Variants in WDR27 observed in about 807,000 individuals in gnomAD.
The protein encoded by WDR27 is WD repeat domain 27.
WDR27 carries 100 observed loss-of-function variants against 114.4 expected under a neutral mutation model. The observed-to-expected ratio is 0.87, with a 90% confidence interval of 0.74 to 1.03. WDR27 has a LOEUF of 1.03. Ranked by LOEUF, WDR27 falls within the 50% of genes least tolerant of loss-of-function variation. The probability of loss-of-function intolerance (pLI) is 0.00; values close to 1 mark genes in which losing one functional copy is unlikely to be tolerated. For missense variants in WDR27, 1,129 were observed against 1,092.9 expected (o/e 1.03, Z -0.47); for synonymous variants, 449 against 423.1 (o/e 1.06, Z -0.75).
chr6:169,662,191 G>A, intron 9 of WDR27, 113 bp downstream of exon 9: 1 of 1,214,362 alleles, frequency 8.2e-7, no homozygotes, highest in Non-Finnish European at 1.2e-6. Context: ...AATAATCAGA[G>A]ACCAAAATAA....
chr6:169,586,498 G>A (rs933516384), intron 23 of WDR27, among the ~76,000 whole-genome samples: 6 of 151,970 alleles, frequency 3.9e-5, no homozygotes, highest in African/African-American at 7.2e-5. Context: ...CCACTTTGAC[G>A]CCTTTGGTGT....
intron 25 of WDR27, among the ~76,000 whole-genome samples, chr6:169,481,542 G>A (rs1422940808): frequency 1.3e-5 from 2 of 152,196 alleles, no homozygotes; most frequent in Non-Finnish European, 2.9e-5. Context: ...GCCTTTATGA[G>A]CTGTAGCACT....
At chr6:169,481,458 T>G (rs1443106580) in intron 25 of WDR27, among the ~76,000 whole-genome samples, 2 of 152,234 alleles carry the variant, frequency 1.3e-5, no homozygotes, top group African/African-American at 4.8e-5. Context: ...CGGGTTCCCT[T>G]CCACGCTGTG....
downstream of WDR27, among the ~76,000 whole-genome samples, chr6:169,453,059 T>C (rs1045602209): frequency 2.0e-5 from 3 of 152,244 alleles, no homozygotes; most frequent in Non-Finnish European, 4.4e-5. Flanking sequence ...CCCCCAGGCC[T>C]AGGGCTGATC....
chr6:169,557,345 G>A (rs1407628832), intron 25 of WDR27, among the ~76,000 whole-genome samples: 1 of 152,222 alleles, frequency 6.6e-6, no homozygotes, highest in Non-Finnish European at 1.5e-5. Context: ...GTCTGTGATG[G>A]ACACAAGAGC....
At chr6:169,445,355 G>A in the WDR27 span, among the ~76,000 whole-genome samples, 2 of 152,072 alleles carry the variant, frequency 1.3e-5, no homozygotes, top group African/African-American at 4.8e-5. Context: ...GGTCTCCACC[G>A]CAGGTCATGA....
intron 25 of WDR27, among the ~76,000 whole-genome samples, chr6:169,463,008 A>G (rs892587986): frequency 6.6e-6 from 1 of 152,232 alleles, no homozygotes; most frequent in Non-Finnish European, 1.5e-5. Context: ...TTGTGCTGCT[A>G]TAAAAGACTA....
intron 7 of WDR27, 65 bp downstream of exon 7, chr6:169,665,421 C>G: frequency 6.4e-7 from 1 of 1,563,230 alleles, no homozygotes; most frequent in Non-Finnish European, 8.7e-7. Flanking sequence ...AGACAAAGAC[C>G]TTTGTGTACA....
chr6:169,502,572 C>T (rs1791450975), intron 25 of WDR27, among the ~76,000 whole-genome samples: 1 of 152,172 alleles, frequency 6.6e-6, no homozygotes, highest in Non-Finnish European at 1.5e-5. Context: ...AATCCATTTC[C>T]GTGTCTTTCC....
At chr6:169,682,735 G>A (rs1315026492) in intron 2 of WDR27, among the ~76,000 whole-genome samples, 1 of 152,164 alleles carries the variant, frequency 6.6e-6, no homozygotes, top group Non-Finnish European at 1.5e-5. Flanking sequence ...AAAATAAGTT[G>A]CGACAGACTG....
chr6:169,657,487 G>A (rs1490283611), intron 13 of WDR27, among the ~76,000 whole-genome samples: 1 of 152,214 alleles, frequency 6.6e-6, no homozygotes, highest in South Asian at 2.1e-4. Context: ...CTTCTGGGAG[G>A]TGAGGCCCAG....
In WDR27 at chr6:169,660,828, C is replaced by T. The variant is rs551863306; in HGVS notation, c.1026-62G>A. The T allele has an allele frequency of 2.6e-5, 38 of 1,462,544 alleles. 1 individual carries two copies. Among genetic ancestry groups the T allele is most frequent in the African/African-American group, 2.0e-4 (14 of 70,878 alleles). 90.6% of individuals were successfully genotyped at this position (1,462,544 alleles called of 1,614,324 possible). A position where few individuals can be genotyped will look rare whatever the true frequency, so the allele number is the denominator to read the frequency against. On this transcript the variant is annotated intron_variant, in intron 9 of 25. Coordinates refer to ENST00000448612, the MANE Select transcript of WDR27 (RefSeq NM_182552.5). ...TCTTATTCCTGAAGGTTGGGCCCCA[C>T]GTGCGCCCCCTGGCCTGGCTGTGAG...
At chr6:169,642,948 G>C (rs1026449406) in intron 17 of WDR27, among the ~76,000 whole-genome samples, 2 of 152,230 alleles carry the variant, frequency 1.3e-5, no homozygotes, top group Non-Finnish European at 2.9e-5. Flanking sequence ...TGGCAGGTAA[G>C]CAACCCTAAT....
intron 25 of WDR27, among the ~76,000 whole-genome samples, chr6:169,566,693 C>T (rs972391014): frequency 2.6e-5 from 4 of 152,180 alleles, no homozygotes; most frequent in African/African-American, 9.7e-5. Context: ...CTCACTCTCA[C>T]CCTGGGTGTT....
intron 25 of WDR27, among the ~76,000 whole-genome samples, chr6:169,467,751 C>A (rs1458546219): frequency 6.6e-6 from 1 of 152,224 alleles, no homozygotes; most frequent in Non-Finnish European, 1.5e-5. Flanking sequence ...ACATTTTCCC[C>A]ATTGTCTTGG....
intron 25 of WDR27, among the ~76,000 whole-genome samples, chr6:169,509,845 C>T (rs1013177837): frequency 2.0e-5 from 3 of 152,196 alleles, no homozygotes; most frequent in African/African-American, 7.2e-5. Context: ...GAACAGGCAA[C>T]CTACAGAATG....
At chr6:169,575,725 C>T (rs1037361461) in intron 24 of WDR27, among the ~76,000 whole-genome samples, 1 of 152,196 alleles carries the variant, frequency 6.6e-6, no homozygotes, top group Non-Finnish European at 1.5e-5. Flanking sequence ...TATTTTGATG[C>T]ACCATCTAAT....
intron 25 of WDR27, among the ~76,000 whole-genome samples, chr6:169,515,656 G>A (rs1177587867): frequency 1.3e-5 from 2 of 151,764 alleles, no homozygotes; most frequent in African/African-American, 2.4e-5. Flanking sequence ...AATATTCTTA[G>A]AAAAGGTAAT....
chr6:169,490,019 G>A (rs1789540326), intron 25 of WDR27, among the ~76,000 whole-genome samples: 1 of 152,206 alleles, frequency 6.6e-6, no homozygotes, highest in African/African-American at 2.4e-5. Context: ...AAGTTGGCCT[G>A]GGGAAAGGCC....
Sources: gnomAD v4.1 joint callset for allele counts (sites outside exome capture counted in the v4.1 genomes callset) on GRCh38, gnomAD v4.1.1 for gene constraint, MANE v1.5 for transcripts, NCBI Gene and HGNC (gene_info 2026-07-23, HGNC 2026-07-21) for gene names.